The following ZBTB41 variants were observed in gnomAD, a reference collection of about 807,000 sequenced individuals.
ZBTB41 encodes zinc finger and BTB domain containing 41, also known as zinc finger and BTB domain-containing protein 41.
Under a neutral mutation model 87.6 loss-of-function variants are expected in ZBTB41, and 42 were observed. That is an observed-to-expected ratio of 0.48 (90% confidence interval 0.37 to 0.62). The LOEUF (loss-of-function observed/expected upper bound fraction) is 0.62, where lower values mean the gene tolerates loss of function less well. Among genes scored for constraint, ZBTB41 ranks in the 20% least tolerant of loss-of-function variants. ZBTB41 has a pLI of 0.00. For synonymous variants in ZBTB41, 364 were observed against 364.0 expected, an observed-to-expected ratio of 1.00 and a Z score of 0.00; for missense variants, 799 against 1,078.9, an observed-to-expected ratio of 0.74 and a Z score of 3.63.
chr1:197,194,618 G>GAAAAAAAAAA (rs71131750), intron 2 of ZBTB41, among the ~76,000 whole-genome samples: 9 of 135,758 alleles, frequency 6.6e-5, no homozygotes, highest in Non-Finnish European at 9.3e-5. Flanking sequence ...ATTTAAGCAA[G>GAAAAAAAAAA]AAAAAAAAAA....
intron 5 of ZBTB41, among the ~76,000 whole-genome samples, chr1:197,183,412 A>G (rs1659804989): frequency 6.6e-6 from 1 of 152,200 alleles, no homozygotes; most frequent in Non-Finnish European, 1.5e-5. Flanking sequence ...TCAGACTCAG[A>G]AAACAAGGCT....
chr1:197,179,580 C>T (rs1557981309), intron 6 of ZBTB41, among the ~76,000 whole-genome samples: 1 of 151,906 alleles, frequency 6.6e-6, no homozygotes, highest in African/African-American at 2.4e-5. Context: ...TAGAGGTATT[C>T]TCTAAGAAGG....
At chr1:197,194,965 C>T (rs1283805507) in intron 2 of ZBTB41, among the ~76,000 whole-genome samples, 2 of 152,210 alleles carry the variant, frequency 1.3e-5, no homozygotes, top group African/African-American at 4.8e-5. Context: ...ATGTTTAAAT[C>T]ATTTGGTAGG....
rs1302540484 is a variant in ZBTB41 at position 197,159,783 on chromosome 1, T to A, written c.2306A>T (p.Glu769Val). Residue 769 changes from glutamate (E) to valine (V), a missense_variant, in exon 11 of 11, where the codon GAG becomes GTG. Physicochemically the swap from Glu to Val is moderately radical, Grantham distance 121. Around this residue, in one of 5 missense-constraint regions of ZBTB41, gnomAD observed 171 missense variants for 191.9 expected, o/e 0.89. Coordinates refer to ENST00000367405, the MANE Select transcript of ZBTB41 (RefSeq NM_194314.3). Reference sequence around the variant, plus strand: ...AAAGATTTTGTCATCAGATGAGTACTCAACTGGCAAGGATACAAGTTTTTC... The same window carrying A: ...AAAGATTTTGTCATCAGATGAGTACACAACTGGCAAGGATACAAGTTTTTC... ...SEEKLVSLPVEYSSDDKIFQT... is the reference protein window; with the variant it reads ...SEEKLVSLPVVYSSDDKIFQT... 1.9e-6 allele frequency: 3 copies of A among 1,614,028 alleles called. No homozygotes were observed. In the Admixed American group the frequency reaches 5.0e-5, roughly 27 times the overall value.
Position 197,199,478 on chromosome 1 carries a change from T to A in ZBTB41, c.996A>T (p.Glu332Asp). 6.2e-7 allele frequency: 1 copy of A among 1,613,464 alleles called. No individual in the cohort carries two copies. The highest frequency in any genetic ancestry group is 8.5e-7 in the Non-Finnish European group (1 of 1,179,834). ...EQSEKDHNDA[E>D]EEPEAGDSVG... is the part of the protein sequence containing the mutation. ...CAGAATCACCAGCCTCAGGTTCTTCTTCTGCATCATTATGATCCTTTTCAC... is the reference window on the plus strand; with the variant it reads ...CAGAATCACCAGCCTCAGGTTCTTCATCTGCATCATTATGATCCTTTTCAC... The change falls in exon 2 of 11, where the codon GAA (glutamate) becomes GAT (aspartate). Residue 332 changes from glutamate to aspartate, a missense_variant. Glu to Asp is a conservative substitution (Grantham distance 45, BLOSUM62 2). Transcript: ENST00000367405.
chr1:197,179,155 T>C (rs1283462719), intron 6 of ZBTB41, among the ~76,000 whole-genome samples: 1 of 152,104 alleles, frequency 6.6e-6, no homozygotes, highest in Non-Finnish European at 1.5e-5. Flanking sequence ...AACAAAGTTA[T>C]TTTAAGGGGA....
At chr1:197,182,976 G>A (rs1659791033) in intron 5 of ZBTB41, among the ~76,000 whole-genome samples, 1 of 152,098 alleles carries the variant, frequency 6.6e-6, no homozygotes, top group Non-Finnish European at 1.5e-5. Context: ...AGTGATTCAA[G>A]GGAACAGAAA....
chr1:197,196,941 A>G (rs1235465144), intron 2 of ZBTB41, among the ~76,000 whole-genome samples: 1 of 54,670 alleles, frequency 1.8e-5, no homozygotes, highest in East Asian at 3.2e-3. Context: ...ACTTATCCTG[A>G]TAAAATTATC....
At chr1:197,197,081 C>A (rs1055967211) in intron 2 of ZBTB41, among the ~76,000 whole-genome samples, 50 of 152,116 alleles carry the variant, frequency 3.3e-4, no homozygotes, top group Admixed American at 3.0e-3. Context: ...TGCTAGAACA[C>A]CTACATTTTG....
chr1:197,175,777 C>T (rs992617899), intron 8 of ZBTB41, among the ~76,000 whole-genome samples: 1 of 151,734 alleles, frequency 6.6e-6, no homozygotes. Context: ...AATAAAAAGG[C>T]ATAATTCCAA....
chr1:197,163,636 A>AACAC (rs10640606), intron 10 of ZBTB41, among the ~76,000 whole-genome samples: 402 of 148,464 alleles, frequency 2.7e-3, no homozygotes, highest in East Asian at 3.9e-3. Context: ...CAAAATACAA[A>AACAC]ACACACACAC....
rs1659081459 is a variant in ZBTB41 at position 197,157,002 on chromosome 1, T to C, written c.*2357A>G. On this transcript the variant is annotated 3_prime_UTR_variant, in exon 11 of 11. Transcript: ENST00000367405. ...GTTTTTACTATTTCAGGGCTGGTTATGAGGTTCAAATGAGATAACATATAT... is the reference window on the plus strand; with the variant it reads ...GTTTTTACTATTTCAGGGCTGGTTACGAGGTTCAAATGAGATAACATATAT... 1 of 152,172 alleles carries C rather than the reference T, an allele frequency of 6.6e-6. No homozygotes were observed. Among genetic ancestry groups the C allele is most frequent in the Admixed American group, 6.6e-5 (1 of 15,212 alleles). 9.4% of individuals were successfully genotyped at this position (152,172 alleles called of 1,614,324 possible).
In ZBTB41 at chr1:197,176,647, T is replaced by C. The variant is rs1232694306; in HGVS notation, c.1796A>G (p.Asp599Gly). ...SYRLHLRVHH[D>G]DKRYECDECG... ...TTCATCGCACTCATATCTTTTATCA[T>C]CATGATGTACTCGTAAGTGAAGTCT... Residue 599 changes from aspartate to glycine, a missense_variant, in exon 8 of 11, where the codon GAT (aspartate) becomes GGT (glycine). By Grantham distance (94) the Asp-to-Gly change is moderately conservative. This residue lies in a region of ZBTB41 where 198 missense variants were observed against 358.4 expected (regional missense o/e 0.55). Transcript: ENST00000367405. 1 of 1,611,512 alleles carries C rather than the reference T, an allele frequency of 6.2e-7. No homozygotes were observed. The highest frequency in any genetic ancestry group is 8.5e-7 in the Non-Finnish European group (1 of 1,178,628).
At chr1:197,188,267 C>T in intron 5 of ZBTB41, 25 bp downstream of exon 5, 2 of 1,610,410 alleles carry the variant, frequency 1.2e-6, no homozygotes, top group Non-Finnish European at 1.7e-6. Context: ...GTCATGACTG[C>T]CTTAAGAAAA....
chr1:197,176,251 A>AG (rs771440360), intron 8 of ZBTB41, among the ~76,000 whole-genome samples: 15 of 152,068 alleles, frequency 9.9e-5, no homozygotes, highest in Non-Finnish European at 1.9e-4. Context: ...CCTTTAAGGA[A>AG]CTGTCAATAG....
Position 197,176,653 on chromosome 1 carries a change from T to C in ZBTB41, c.1790A>G (p.His597Arg). Reference protein sequence around the residue: ...GSSYRLHLRVHHDDKRYECDE... With the variant: ...GSSYRLHLRVRHDDKRYECDE... ...GCACTCATATCTTTTATCATCATGA[T>C]GTACTCGTAAGTGAAGTCTATAAAG... The change falls in exon 8 of 11, where the codon CAT becomes CGT. Residue 597 changes from histidine to arginine, a missense_variant. This residue lies in a region of ZBTB41 where 198 missense variants were observed against 358.4 expected (regional missense o/e 0.55). Transcript: ENST00000367405. The C allele has an allele frequency of 6.2e-7, 1 of 1,610,878 alleles. No homozygotes were observed. Among genetic ancestry groups the C allele is most frequent in the Non-Finnish European group, 8.5e-7 (1 of 1,178,192 alleles).
intron 5 of ZBTB41, among the ~76,000 whole-genome samples, chr1:197,186,446 A>C (rs1217637045): frequency 6.6e-6 from 1 of 152,238 alleles, no homozygotes; most frequent in African/African-American, 2.4e-5. Context: ...TCTGTCACAG[A>C]AACTGTCAAG....
rs1659085159 is a variant in ZBTB41 at position 197,157,163 on chromosome 1, C to T, written c.*2196G>A. ...AAAGTTCTGTGTAAACCAATTCCTACAATTAAATCATATATTTAAAGCATT... is the reference window on the plus strand; with the variant it reads ...AAAGTTCTGTGTAAACCAATTCCTATAATTAAATCATATATTTAAAGCATT... On this transcript the variant is annotated 3_prime_UTR_variant, in exon 11 of 11. Transcript: ENST00000367405. 1 of 152,184 alleles carries T rather than the reference C, an allele frequency of 6.6e-6. No individual in the cohort carries two copies. The highest frequency in any genetic ancestry group is 2.4e-5 in the African/African-American group (1 of 41,496). 9.4% of individuals were successfully genotyped at this position (152,184 alleles called of 1,614,324 possible).
chr1:197,191,953 T>A lies in ZBTB41; in HGVS notation c.1121-54A>T, dbSNP rs115770032. ...TTTAGTACATTTGCTATACTGTGAT[T>A]GGAATTTGAGAGTGGAATAAAACCT... On this transcript the variant is annotated intron_variant, in intron 2 of 10. Coordinates refer to ENST00000367405, the MANE Select transcript of ZBTB41 (RefSeq NM_194314.3). 5.0e-4 allele frequency: 712 copies of A among 1,424,812 alleles called. 6 individuals carry two copies. The African/African-American group carries it at 9.3e-3, about 19-fold the overall frequency. 88.3% of individuals were successfully genotyped at this position (1,424,812 alleles called of 1,614,324 possible). A position where few individuals can be genotyped will look rare whatever the true frequency, so the allele number is the denominator to read the frequency against.
Sources: allele counts gnomAD v4.1 joint callset (sites outside exome capture counted in the v4.1 genomes callset), GRCh38; gene constraint gnomAD v4.1.1; regional missense constraint gnomAD v4.1.1; transcripts MANE v1.5; gene names NCBI Gene and HGNC (gene_info 2026-07-23, HGNC 2026-07-21).